The following EML6 variants were observed in gnomAD, a reference collection of about 807,000 sequenced individuals.
The protein encoded by EML6 is echinoderm microtubule-associated protein-like 6.
Under a neutral mutation model 240.1 loss-of-function variants are expected in EML6, and 154 were observed. The observed-to-expected ratio is 0.64, with a 90% confidence interval of 0.56 to 0.73. The LOEUF is 0.73. EML6 is among the 30% of genes least tolerant of loss of function. The probability of loss-of-function intolerance (pLI) is 0.00; values close to 1 mark genes in which losing one functional copy is unlikely to be tolerated. For synonymous variants in EML6, 1,148 were observed against 899.0 expected (o/e 1.28, Z -4.95); for missense variants, 2,964 against 2,474.6 (o/e 1.20, Z -4.20).
intron 28 of EML6, among the ~76,000 whole-genome samples, chr2:54,943,497 C>T (rs1675533168): frequency 6.6e-6 from 1 of 152,216 alleles, no homozygotes; most frequent in African/African-American, 2.4e-5. Context: ...CCGTCACCTT[C>T]CTTCCAACCT....
chr2:54,961,780 A>G (rs927360430), intron 35 of EML6, among the ~76,000 whole-genome samples: 7 of 151,846 alleles, frequency 4.6e-5, no homozygotes, highest in African/African-American at 1.4e-4. Flanking sequence ...AGAGGCAGGC[A>G]CATCACTTGA....
Position 54,844,187 on chromosome 2 carries a change from G to T in EML6, c.988G>T (p.Ala330Ser), listed in dbSNP as rs745870299. ...LQGHCEGELW[A>S]LALHPKKPLA... ...GGGCCACTGCGAGGGTGAGCTCTGGGCTCTGGCCCTGCACCCCAAGAAGCC... is the reference window on the plus strand; with the variant it reads ...GGGCCACTGCGAGGGTGAGCTCTGGTCTCTGGCCCTGCACCCCAAGAAGCC... Residue 330 changes from alanine to serine, a missense_variant, in exon 8 of 42, where the codon GCT becomes TCT. By Grantham distance (99) the Ala-to-Ser change is moderately conservative. Transcript: ENST00000356458. 6.4e-7 allele frequency: 1 copy of T among 1,551,600 alleles called. No homozygotes were observed. The highest frequency in any genetic ancestry group is 8.7e-7 in the Non-Finnish European group (1 of 1,147,004).
intron 2 of EML6, among the ~76,000 whole-genome samples, chr2:54,805,498 A>C (rs1489810552): frequency 6.6e-6 from 1 of 152,306 alleles, no homozygotes; most frequent in East Asian, 1.9e-4. Flanking sequence ...GTTGTCCTTA[A>C]CATTGTTCAA....
At chr2:54,893,760 C>G (rs776753253) in intron 19 of EML6, among the ~76,000 whole-genome samples, 7 of 152,156 alleles carry the variant, frequency 4.6e-5, no homozygotes, top group Non-Finnish European at 8.8e-5. Flanking sequence ...TGTCCTTAGG[C>G]AAATGTGTTG....
intron 17 of EML6, among the ~76,000 whole-genome samples, chr2:54,887,199 T>C (rs1398392395): frequency 3.3e-5 from 5 of 152,212 alleles, no homozygotes; most frequent in Non-Finnish European, 7.3e-5. Flanking sequence ...CCTTTCATTA[T>C]ACAGCTCCCC....
At chr2:54,907,946 AAGATAGATAGATAGATAGATAGAT>A (rs11267419) in intron 24 of EML6, among the ~76,000 whole-genome samples, 5 of 37,968 alleles carry the variant, frequency 1.3e-4, no homozygotes, top group Non-Finnish European at 1.2e-4. Flanking sequence ...ATAGATAGAT[AAGATAGATAGATAGATAGATAGAT>A]AGATAGATAG....
At chr2:54,895,091 G>A in intron 20 of EML6, 65 bp downstream of exon 20, 5 of 1,396,904 alleles carry the variant, frequency 3.6e-6, no homozygotes, top group Non-Finnish European at 4.9e-6. Flanking sequence ...TTGTACTAAA[G>A]TTTTTAGAAA....
intron 28 of EML6, among the ~76,000 whole-genome samples, chr2:54,944,583 A>T (rs760135627): frequency 6.6e-6 from 1 of 152,138 alleles, no homozygotes. Flanking sequence ...TTTTCACCCA[A>T]ATAACTTTGT....
At chr2:54,875,819 A>C (rs1671476890) in intron 16 of EML6, among the ~76,000 whole-genome samples, 1 of 152,180 alleles carries the variant, frequency 6.6e-6, no homozygotes, top group African/African-American at 2.4e-5. Flanking sequence ...TGAATAGAAA[A>C]CCAGATTAGA....
chr2:54,863,605 G>T (rs992639585), intron 12 of EML6, among the ~76,000 whole-genome samples, 178 bp from the exon 13 acceptor site: 4 of 152,012 alleles, frequency 2.6e-5, no homozygotes, highest in Admixed American at 6.5e-5. Context: ...AGGAGTGAAG[G>T]GTGGGCTGAA....
intron 17 of EML6, among the ~76,000 whole-genome samples, chr2:54,884,226 A>ATTACAGAGGATG (rs59302324): frequency 0.49 from 74,589 of 151,556 alleles, 18,791 homozygotes; most frequent in East Asian, 0.82. Flanking sequence ...TTGCCAGGTT[A>ATTACAGAGGATG]TTACAAAGGT....
intron 25 of EML6, among the ~76,000 whole-genome samples, chr2:54,911,286 T>C (rs1673624737): frequency 1.3e-5 from 2 of 152,218 alleles, no homozygotes; most frequent in Admixed American, 1.3e-4. Context: ...CTGAAGACAA[T>C]GAATAAGCTA....
intron 26 of EML6, among the ~76,000 whole-genome samples, chr2:54,918,683 C>G (rs1383365189): frequency 6.6e-6 from 1 of 152,172 alleles, no homozygotes; most frequent in Non-Finnish European, 1.5e-5. Flanking sequence ...TGTAACAATT[C>G]TTTAATCAGT....
At chr2:54,929,571 C>T (rs1044767598) in intron 28 of EML6, among the ~76,000 whole-genome samples, 2 of 152,162 alleles carry the variant, frequency 1.3e-5, no homozygotes, top group African/African-American at 4.8e-5. Context: ...ACGCTGGTCC[C>T]ACAATATGTA....
At chr2:54,830,759 T>C (rs761226867) in intron 7 of EML6, among the ~76,000 whole-genome samples, 1 of 152,218 alleles carries the variant, frequency 6.6e-6, no homozygotes, top group Non-Finnish European at 1.5e-5. Context: ...AGCTGGATAT[T>C]GTACTTCCTG....
At chr2:54,888,873 A>G (rs1211623652) in intron 17 of EML6, among the ~76,000 whole-genome samples, 2 of 152,170 alleles carry the variant, frequency 1.3e-5, no homozygotes, top group Non-Finnish European at 2.9e-5. Flanking sequence ...ATTTAGGCAA[A>G]TATCAAGGAA....
At chr2:54,930,286 T>C (rs1415730350) in intron 28 of EML6, among the ~76,000 whole-genome samples, 1 of 152,202 alleles carries the variant, frequency 6.6e-6, no homozygotes, top group Non-Finnish European at 1.5e-5. Flanking sequence ...CTACAGCTGA[T>C]TTCAAACCCT....
chr2:54,902,470 G>A (rs1673109218), intron 22 of EML6, among the ~76,000 whole-genome samples: 2 of 152,168 alleles, frequency 1.3e-5, no homozygotes, highest in African/African-American at 4.8e-5. Context: ...CATGATCACT[G>A]CTCACTGCAC....
At chr2:54,753,664 T>G (rs1395340610) in intron 2 of EML6, among the ~76,000 whole-genome samples, 39 of 44,564 alleles carry the variant, frequency 8.8e-4, no homozygotes, top group African/African-American at 1.0e-4. Context: ...AGTCCTGAGT[T>G]TTTTTTTTTT....
Sources: gnomAD v4.1 joint callset for allele counts (sites outside exome capture counted in the v4.1 genomes callset) on GRCh38, gnomAD v4.1.1 for gene constraint, MANE v1.5 for transcripts, NCBI Gene and HGNC (gene_info 2026-07-23, HGNC 2026-07-21) for gene names.